The following SEPSECS variants were observed in gnomAD, a reference collection of about 807,000 sequenced individuals.
SEPSECS encodes O-phosphoseryl-tRNA(Sec) selenium transferase.
A neutral mutation model predicts 52.1 loss-of-function variants in SEPSECS; 42 were observed. That is an observed-to-expected ratio of 0.81 (90% confidence interval 0.63 to 1.04). The LOEUF (loss-of-function observed/expected upper bound fraction) is 1.04. Ranked by LOEUF, SEPSECS falls within the 50% of genes least tolerant of loss-of-function variation. SEPSECS has a pLI of 0.00. For synonymous variants in SEPSECS, 216 were observed against 211.4 expected (o/e 1.02, Z -0.19); for missense variants, 590 against 610.6 (o/e 0.97, Z 0.36).
At chr4:25,130,074 A>C (rs1728551202) in intron 8 of SEPSECS, among the ~76,000 whole-genome samples, 1 of 152,190 alleles carries the variant, frequency 6.6e-6, no homozygotes, top group Non-Finnish European at 1.5e-5. Context: ...ACCTCCTACA[A>C]ACCGCCTAAC....
upstream of SEPSECS, chr4:25,160,526 T>A (rs1472444360): frequency 3.2e-6 from 2 of 628,038 alleles, no homozygotes; most frequent in Admixed American, 6.1e-5. Flanking sequence ...ACACTTCTCG[T>A]TCGTGCACAT....
At chr4:25,133,282 T>A (rs1728686380) in intron 8 of SEPSECS, among the ~76,000 whole-genome samples, 1 of 152,190 alleles carries the variant, frequency 6.6e-6, no homozygotes, top group Non-Finnish European at 1.5e-5. Context: ...AAGAACAAAG[T>A]TCTGAATGTT....
chr4:25,148,123 C>T lies in SEPSECS; in HGVS notation c.805-2990G>A, dbSNP rs186071758. 1.9e-3 allele frequency among the ~76,000 whole-genome samples: 296 copies of T among 152,128 alleles called. 1 individual carries two copies. The highest frequency in any genetic ancestry group is 5.5e-3 in the African/African-American group (228 of 41,528). Reference sequence around the variant, plus strand: ...ATCCCAGCACTTTGGGAGGCCAAGGCGGGTGGATCACGAGGTCAGGAGATT... The same window carrying T: ...ATCCCAGCACTTTGGGAGGCCAAGGTGGGTGGATCACGAGGTCAGGAGATT... On this transcript the variant is annotated intron_variant, in intron 6 of 10. Coordinates refer to ENST00000382103, the MANE Select transcript of SEPSECS (RefSeq NM_016955.4).
rs1450589432 is a variant in SEPSECS, at chr4:25,160,360, C to A, written c.10G>T (p.Glu4Ter). 1 of 1,548,584 alleles carries A rather than the reference C, an allele frequency of 6.5e-7. No homozygotes were observed. Among genetic ancestry groups the A allele is most frequent in the Non-Finnish European group, 8.7e-7 (1 of 1,145,302 alleles). The change falls in exon 1 of 11, where the codon GAG becomes TAG. Residue 4 changes from glutamate to a stop codon, truncating the protein, a stop_gained. Transcript: ENST00000382103. LOFTEE classifies it high-confidence loss of function. ...AGCCGCTCTCCCGCCGCGAAGCTCT[C>A]GCGGTTCATGACAGCGGTGGCGACA... MNR[E>*]SFAAGERLVS...
intron 6 of SEPSECS, among the ~76,000 whole-genome samples, chr4:25,148,772 T>C (rs1433288380): frequency 1.3e-5 from 2 of 152,234 alleles, no homozygotes; most frequent in East Asian, 3.8e-4. Context: ...ATAGCCTAAG[T>C]ACTCTGACTT....
In SEPSECS at chr4:25,123,946, C is replaced by G. The variant is rs1440143815; in HGVS notation, c.1491G>C (p.Gln497His). ...KLDNVLLDTY[Q>H]DASS ...CCTTCGCATGTCATGAAGAAGCATC[C>G]TGGTATGTGTCAAGAAGTACATTAT... The change falls in exon 11 of 11, where the codon CAG becomes CAC. Residue 497 changes from glutamine to histidine, a missense_variant. Transcript: ENST00000382103. 1 of 1,613,374 alleles carries G rather than the reference C, an allele frequency of 6.2e-7. No homozygotes were observed.
chr4:25,155,117 T>C lies in SEPSECS; in HGVS notation c.582A>G (p.Glu194=), dbSNP rs757988953. 2.5e-6 allele frequency: 4 copies of C among 1,614,026 alleles called. No individual in the cohort carries two copies. The East Asian group carries it at 8.9e-5, about 36-fold the overall frequency. ...TCAGGTCTGTACGCAGCTCGTCACC[T>C]TCCAAAACATTTTCTATCACCACAG... ...FEPVVIENVL[E]GDELRTDLKA... is the part of the protein sequence containing the mutation. Residue 194 remains glutamate, a synonymous_variant, in exon 5 of 11, where the codon GAA becomes GAG. Coordinates refer to ENST00000382103, the MANE Select transcript of SEPSECS (RefSeq NM_016955.4).
chr4:25,158,463 TTAA>T (rs543459089), intron 2 of SEPSECS, among the ~76,000 whole-genome samples: 82 of 152,320 alleles, frequency 5.4e-4, no homozygotes, highest in African/African-American at 1.9e-3. Flanking sequence ...AAAAGGTCAC[TTAA>T]TAATCTAATA....
At chr4:25,129,555 G>A (rs1728527052) in intron 8 of SEPSECS, among the ~76,000 whole-genome samples, 2 of 151,790 alleles carry the variant, frequency 1.3e-5, no homozygotes, top group Non-Finnish European at 2.9e-5. Context: ...CTGGGAGGCA[G>A]AGGTTGCAGT....
At position 25,145,127 on chromosome 4, in the gene SEPSECS, G is replaced by A. The variant is rs745870736; in HGVS notation, c.811C>T (p.Arg271Ter). The A allele has an allele frequency of 6.8e-6, 11 of 1,613,552 alleles. No homozygotes were observed. The African/African-American group carries it at 9.4e-5, about 14-fold the overall frequency. ...ACAAAAGCATCTATTCTACCAACTC[G>A]AGCCCCCTGGAATCAATATGATATT... ...KCMHLIQQGA[R>*]VGRIDAFVQS... The change falls in exon 7 of 11, where the codon CGA (arginine) becomes TGA (stop). Residue 271 changes from arginine to a stop codon, truncating the protein, a stop_gained. Transcript: ENST00000382103. LOFTEE classifies it high-confidence loss of function.
chr4:25,125,626 G>T, intron 10 of SEPSECS, 68 bp downstream of exon 10: 1 of 958,414 alleles, frequency 1.0e-6, no homozygotes, highest in Non-Finnish European at 1.7e-6. Flanking sequence ...TATTGTTGAG[G>T]AAAGGTATTT....
intron 8 of SEPSECS, among the ~76,000 whole-genome samples, chr4:25,138,597 A>G (rs1245151680): frequency 1.3e-5 from 2 of 152,154 alleles, no homozygotes; most frequent in Non-Finnish European, 2.9e-5. Flanking sequence ...TCAGAAATAA[A>G]CACAGATAAC....
intron 6 of SEPSECS, among the ~76,000 whole-genome samples, chr4:25,146,801 T>C (rs979130273): frequency 1.3e-5 from 2 of 152,156 alleles, no homozygotes; most frequent in African/African-American, 4.8e-5. Context: ...TCAAAATACA[T>C]CTGAATAAAA....
chr4:25,139,385 T>TC (rs1553879814), intron 8 of SEPSECS, among the ~76,000 whole-genome samples: 1 of 1,934 alleles, frequency 5.2e-4, no homozygotes, highest in Non-Finnish European at 1.8e-3. Flanking sequence ...AAGTTGTGTC[T>TC]TTTTTTTTTT....
At chr4:25,148,457 G>A (rs555982794) in intron 6 of SEPSECS, among the ~76,000 whole-genome samples, 1 of 151,610 alleles carries the variant, frequency 6.6e-6, no homozygotes, top group South Asian at 2.1e-4. Context: ...ATGAATTAAG[G>A]CTAACTTTAA....
chr4:25,160,565 G>GAGGAAGTT, upstream of SEPSECS: 2 of 514,292 alleles, frequency 3.9e-6, no homozygotes. Flanking sequence ...GGCGCTCCAG[G>GAGGAAGTT]AGGAAGTTGG....
At chr4:25,128,527 G>C (rs1728482108) in intron 8 of SEPSECS, among the ~76,000 whole-genome samples, 1 of 152,050 alleles carries the variant, frequency 6.6e-6, no homozygotes, top group African/African-American at 2.4e-5. Context: ...ATATTCAATA[G>C]TAGAAAATAT....
Position 25,122,027 on chromosome 4 carries a change from T to C in SEPSECS, c.*1904A>G, listed in dbSNP as rs1314233219. ...TTGCAACAACATTTCAATCCCTTTT[T>C]TGACTCTAGAGGTTGCAACTCTTCA... On this transcript the variant is annotated 3_prime_UTR_variant, in exon 11 of 11. Transcript: ENST00000382103. 1 of 152,164 alleles carries C rather than the reference T, an allele frequency of 6.6e-6. No homozygotes were observed. Among genetic ancestry groups the C allele is most frequent in the South Asian group, 2.1e-4 (1 of 4,830 alleles). 9.4% of individuals were successfully genotyped at this position (152,164 alleles called of 1,614,324 possible).
chr4:25,143,214 G>A (rs1463254343), intron 8 of SEPSECS, among the ~76,000 whole-genome samples: 1 of 152,136 alleles, frequency 6.6e-6, no homozygotes, highest in Non-Finnish European at 1.5e-5. Context: ...GGTACAATTT[G>A]CTCACATAGT....
Sources: gnomAD v4.1 joint callset for allele counts (sites outside exome capture counted in the v4.1 genomes callset) on GRCh38, gnomAD v4.1.1 for gene constraint, MANE v1.5 for transcripts, NCBI Gene and HGNC (gene_info 2026-07-23, HGNC 2026-07-21) for gene names.